Variants in GUCY2F observed in about 807,000 individuals in gnomAD.
The protein encoded by GUCY2F is guanylate cyclase 2F, retinal, also known as retinal guanylyl cyclase 2.
Under a neutral mutation model 73.1 loss-of-function variants are expected in GUCY2F, and 61 were observed. The observed-to-expected ratio is 0.83, with a 90% CI of 0.68 to 1.03. GUCY2F has a LOEUF of 1.03. GUCY2F is among the 50% of genes least tolerant of loss of function. The pLI is 0.00. For synonymous variants in GUCY2F, 331 were observed against 307.8 expected, an observed-to-expected ratio of 1.08 and a Z score of -0.79; for missense variants, 912 against 854.3, an observed-to-expected ratio of 1.07 and a Z score of -0.84.
intron 8 of GUCY2F, among the ~76,000 whole-genome samples, chrX:109,418,389 A>T (rs1318476840): frequency 1.1e-4 from 12 of 112,117 alleles, no homozygotes; most frequent in Non-Finnish European, 1.5e-4. Context: ...ATGTTCAGTA[A>T]CACAGACCAC....
chrX:109,464,323 G>C (rs1161110160), intron 3 of GUCY2F, among the ~76,000 whole-genome samples: 1 of 111,785 alleles, frequency 8.9e-6, no homozygotes, highest in Non-Finnish European at 1.9e-5. Context: ...CAGTGGCTAT[G>C]ATTGGAATCT....
At position 109,376,090 on chromosome X, in the gene GUCY2F, C is replaced by T. The variant is rs1230884206; in HGVS notation, c.3228G>A (p.Val1076=). ...FMKPLPVPPP[V]DKDGQVGHGL... ...TGAACTCCACTTACCCATCTTTGTCCACTGGTGGGGGCACAGGAAGGGGCT... is the reference window on the plus strand; with the variant it reads ...TGAACTCCACTTACCCATCTTTGTCTACTGGTGGGGGCACAGGAAGGGGCT... Residue 1076 remains valine (V), a synonymous_variant, in exon 18 of 20, where the codon GTG becomes GTA. Transcript: ENST00000218006. 2.5e-6 allele frequency: 3 copies of T among 1,199,590 alleles called. No homozygotes were observed. Among genetic ancestry groups the T allele is most frequent in the Non-Finnish European group, 3.4e-6 (3 of 884,231 alleles).
At chrX:109,409,567 G>A (rs988106776) in intron 8 of GUCY2F, among the ~76,000 whole-genome samples, 23 of 111,011 alleles carry the variant, frequency 2.1e-4, no homozygotes, top group African/African-American at 5.3e-4. Context: ...GCAAGAAAGC[G>A]GGGACCTCAA....
chrX:109,427,125 T>A (rs750467520), intron 8 of GUCY2F, among the ~76,000 whole-genome samples: 21 of 112,133 alleles, frequency 1.9e-4, no homozygotes, highest in African/African-American at 6.5e-4. Context: ...TGAGGCATAA[T>A]AACAGCCCCA....
intron 17 of GUCY2F, among the ~76,000 whole-genome samples, chrX:109,381,520 C>CA (rs769944183): frequency 2.5e-4 from 28 of 111,484 alleles, no homozygotes; most frequent in African/African-American, 8.8e-4. Context: ...GTGGAAATGG[C>CA]AAAAAAAGAA....
intron 11 of GUCY2F, among the ~76,000 whole-genome samples, chrX:109,397,103 C>T (rs1256312731): frequency 8.9e-6 from 1 of 111,786 alleles, no homozygotes; most frequent in Non-Finnish European, 1.9e-5. Context: ...GAAGGTTTCC[C>T]AGAGAAGGTG....
At chrX:109,423,834 G>A (rs1027414582) in intron 8 of GUCY2F, among the ~76,000 whole-genome samples, 2 of 110,188 alleles carry the variant, frequency 1.8e-5, no homozygotes, top group East Asian at 5.6e-4. Context: ...TTCCCACTCA[G>A]AAAACTAGTA....
intron 9 of GUCY2F, among the ~76,000 whole-genome samples, chrX:109,408,197 G>A (rs747920871): frequency 8.9e-6 from 1 of 112,531 alleles, no homozygotes; most frequent in African/African-American, 3.2e-5. Context: ...TGGAGTCAAA[G>A]GAGATCATTT....
At chrX:109,442,706 G>A (rs187758589) in intron 6 of GUCY2F, among the ~76,000 whole-genome samples, 94 of 111,161 alleles carry the variant, frequency 8.5e-4, no homozygotes, top group African/African-American at 2.5e-3. Context: ...TACCCAGCCC[G>A]CAATGTGCTG....
chrX:109,417,641 T>A (rs1407761644), intron 8 of GUCY2F, among the ~76,000 whole-genome samples: 1 of 111,110 alleles, frequency 9.0e-6, no homozygotes, highest in Non-Finnish European at 1.9e-5. Context: ...GAAATCTAAC[T>A]GTATCAATAA....
intron 17 of GUCY2F, among the ~76,000 whole-genome samples, chrX:109,381,750 A>G (rs1035053343): frequency 8.9e-6 from 1 of 112,319 alleles, no homozygotes; most frequent in African/African-American, 3.2e-5. Context: ...CACAATTACT[A>G]TGGCTTATTG....
At chrX:109,435,110 G>C (rs1018331459) in intron 7 of GUCY2F, among the ~76,000 whole-genome samples, 50 of 111,409 alleles carry the variant, frequency 4.5e-4, no homozygotes, top group African/African-American at 1.5e-3. Flanking sequence ...GGCAATGCGG[G>C]CTCTTTTTTG....
intron 6 of GUCY2F, among the ~76,000 whole-genome samples, chrX:109,446,318 A>T (rs1221319000): frequency 8.9e-6 from 1 of 111,958 alleles, no homozygotes; most frequent in Non-Finnish European, 1.9e-5. Context: ...CATTGCCAAG[A>T]GAATGCTAAG....
In GUCY2F at chrX:109,429,414, C is replaced by CAA. The variant is rs60670014; in HGVS notation, c.1791+891_1791+892dup. Among the ~76,000 whole-genome samples, 45 of 41,940 alleles carry CAA rather than the reference C, an allele frequency of 1.1e-3. 2 individuals are homozygous for CAA. Among genetic ancestry groups the CAA allele is most frequent in the Admixed American group, 9.6e-3 (35 of 3,645 alleles). 36.4% of individuals were successfully genotyped at this position (41,940 alleles called of 115,157 possible). A position where few individuals can be genotyped will look rare whatever the true frequency, so the allele number is the denominator to read the frequency against. ...GGGCAACAAGAGCGAAATTCCAGCT[C>CAA]AAAAAAAAAAAAAAAGAAAAGAAAG... On this transcript the variant is annotated intron_variant, in intron 8 of 19. Coordinates refer to ENST00000218006, the MANE Select transcript of GUCY2F (RefSeq NM_001522.3).
chrX:109,385,182 A>T lies in GUCY2F; in HGVS notation c.3055+2T>A. ...CTATCCATCTCTCTATTAGGTACTC[A>T]CGTAAGCCTGTAGATTCCATCCGAG... On this transcript the variant is annotated splice_donor_variant, in intron 16 of 19. Transcript: ENST00000218006. LOFTEE classifies it high-confidence loss of function. 1 of 1,083,341 alleles carries T rather than the reference A, an allele frequency of 9.2e-7. No homozygotes were observed. Among genetic ancestry groups the T allele is most frequent in the Non-Finnish European group, 1.3e-6 (1 of 781,050 alleles). 89.3% of individuals were successfully genotyped at this position (1,083,341 alleles called of 1,213,427 possible). A position where few individuals can be genotyped will look rare whatever the true frequency, so the allele number is the denominator to read the frequency against.
chrX:109,472,360 T>C (rs1038605923), intron 2 of GUCY2F, among the ~76,000 whole-genome samples: 3 of 111,374 alleles, frequency 2.7e-5, no homozygotes, highest in Non-Finnish European at 3.8e-5. Context: ...CTGTATTTTG[T>C]ATGTCACAAA....
intron 2 of GUCY2F, among the ~76,000 whole-genome samples, chrX:109,472,225 C>T (rs917473290): frequency 9.3e-6 from 1 of 107,811 alleles, no homozygotes; most frequent in Non-Finnish European, 1.9e-5. Flanking sequence ...ACCACTGCTA[C>T]GGCCACGTGG....
chrX:109,436,535 C>G (rs1454615203), intron 7 of GUCY2F, among the ~76,000 whole-genome samples: 1 of 111,625 alleles, frequency 9.0e-6, no homozygotes, highest in African/African-American at 3.3e-5. Flanking sequence ...GGAACCAACC[C>G]AAATGTCCAA....
chrX:109,426,411 C>T lies in GUCY2F; in HGVS notation c.1791+3896G>A, dbSNP rs555436672. 4.4e-4 allele frequency among the ~76,000 whole-genome samples: 49 copies of T among 111,680 alleles called. No individual in the cohort carries two copies. In the South Asian group the frequency reaches 8.3e-3, roughly 19 times the overall value. On this transcript the variant is annotated intron_variant, in intron 8 of 19. Transcript: ENST00000218006. ...ATTTTCTTTTTTCTATTTTTTGAGACGGAGTCTTGGTCTGTCGCCCAGGCT... is the reference window on the plus strand; with the variant it reads ...ATTTTCTTTTTTCTATTTTTTGAGATGGAGTCTTGGTCTGTCGCCCAGGCT...
Sources: allele counts gnomAD v4.1 joint callset (sites outside exome capture counted in the v4.1 genomes callset), GRCh38; gene constraint gnomAD v4.1.1; transcripts MANE v1.5; gene names NCBI Gene and HGNC (gene_info 2026-07-23, HGNC 2026-07-21).